The following TBC1D22A variants were observed in gnomAD, a reference collection of about 807,000 sequenced individuals.
The protein encoded by TBC1D22A is TBC1 domain family member 22A, also known as putative GTPase activator.
Under a neutral mutation model 60.2 loss-of-function variants are expected in TBC1D22A, and 38 were observed. The observed-to-expected ratio is 0.63, with a 90% confidence interval of 0.49 to 0.83. The LOEUF (loss-of-function observed/expected upper bound fraction) is 0.83. Among genes scored for constraint, TBC1D22A ranks in the 40% least tolerant of loss-of-function variants. The pLI, the probability that TBC1D22A is intolerant of heterozygous loss-of-function variation, is 0.00. For synonymous variants in TBC1D22A, 302 were observed against 281.7 expected, an observed-to-expected ratio of 1.07 and a Z score of -0.72; for missense variants, 628 against 701.0, an observed-to-expected ratio of 0.90 and a Z score of 1.18.
At chr22:47,012,309 G>A (rs1177387063) in intron 10 of TBC1D22A, among the ~76,000 whole-genome samples, 1 of 152,126 alleles carries the variant, frequency 6.6e-6, no homozygotes, top group Non-Finnish European at 1.5e-5. Flanking sequence ...GAGGGTCCTG[G>A]GGCTCACATC....
In TBC1D22A at chr22:47,137,473, C is replaced by T. The variant is rs139855960; in HGVS notation, c.1425+25870C>T. 3.2e-3 allele frequency among the ~76,000 whole-genome samples: 485 copies of T among 152,274 alleles called. 6 individuals are homozygous for T. Among genetic ancestry groups the T allele is most frequent in the East Asian group, 0.011 (56 of 5,168 alleles). The stretch of plus-strand genomic sequence containing the variant: ...AGGAGCCGAGGACATCCTGCACCTC[C>T]CTGCACCCCTGCTTTCCTTCTCCCT... On this transcript the variant is annotated intron_variant, in intron 12 of 12. Transcript: ENST00000337137.
chr22:46,887,495 G>C (rs980481663), intron 5 of TBC1D22A, among the ~76,000 whole-genome samples: 1 of 152,188 alleles, frequency 6.6e-6, no homozygotes, highest in Non-Finnish European at 1.5e-5. Flanking sequence ...GGAGCTTCAA[G>C]AATCTTTAAA....
chr22:46,884,194 G>T (rs893902980), intron 5 of TBC1D22A, among the ~76,000 whole-genome samples: 1 of 152,162 alleles, frequency 6.6e-6, no homozygotes, highest in East Asian at 1.9e-4. Flanking sequence ...AAAAGGGCTG[G>T]GATCAGCTTG....
intron 8 of TBC1D22A, among the ~76,000 whole-genome samples, chr22:46,923,226 C>T (rs2070855946): frequency 6.6e-6 from 1 of 152,220 alleles, no homozygotes; most frequent in African/African-American, 2.4e-5. Context: ...CTTATTGAAG[C>T]CTATCTCCTC....
At chr22:47,065,535 CTCCCCTGCCTGCCCTTGGGGGAGAG>C (rs892202344) in intron 11 of TBC1D22A, among the ~76,000 whole-genome samples, 5 of 63,512 alleles carry the variant, frequency 7.9e-5, no homozygotes, top group Non-Finnish European at 1.1e-4. Context: ...CTCCCTGCCC[CTCCCCTGCCTGCCCTTGGGGGAGAG>C]TTAAGAAACA....
chr22:46,787,932 CTTTTTTTTTTTT>C, intron 1 of TBC1D22A, among the ~76,000 whole-genome samples: 1 of 107,144 alleles, frequency 9.3e-6, no homozygotes, highest in Admixed American at 9.6e-5. Context: ...GGGCAGGCTA[CTTTTTTTTTTTT>C]TTTTTTTTTT....
chr22:47,169,741 G>C (rs972576979), intron 12 of TBC1D22A, among the ~76,000 whole-genome samples: 1 of 152,188 alleles, frequency 6.6e-6, no homozygotes, highest in African/African-American at 2.4e-5. Context: ...GACCTGACGC[G>C]ACCTTGACTT....
intron 4 of TBC1D22A, among the ~76,000 whole-genome samples, chr22:46,822,382 A>G (rs2085868910): frequency 1.3e-5 from 2 of 151,908 alleles, no homozygotes; most frequent in Non-Finnish European, 2.9e-5. Context: ...GAGTTTGTCT[A>G]GTTTCGGTCT....
intron 8 of TBC1D22A, among the ~76,000 whole-genome samples, chr22:46,970,820 C>A (rs2074017899): frequency 6.6e-6 from 1 of 152,208 alleles, no homozygotes; most frequent in Non-Finnish European, 1.5e-5. Flanking sequence ...CTGATCTTGC[C>A]TGCAGTTCCG....
intron 10 of TBC1D22A, among the ~76,000 whole-genome samples, chr22:47,010,538 G>A (rs2045150827): frequency 6.6e-6 from 1 of 152,220 alleles, no homozygotes; most frequent in Non-Finnish European, 1.5e-5. Context: ...TGTGCTCCTG[G>A]TTTCCTGGTT....
chr22:47,165,698 C>T (rs563625661), intron 12 of TBC1D22A, among the ~76,000 whole-genome samples: 7 of 152,240 alleles, frequency 4.6e-5, no homozygotes, highest in South Asian at 2.1e-4. Flanking sequence ...ACCTAAAAGA[C>T]GGAGGGGTCA....
chr22:46,929,562 C>T (rs986552703), intron 8 of TBC1D22A, among the ~76,000 whole-genome samples: 2 of 152,092 alleles, frequency 1.3e-5, no homozygotes, highest in African/African-American at 2.4e-5. Flanking sequence ...CACATGGGCA[C>T]GAGCTCAAAG....
At chr22:46,950,931 C>G (rs555756286) in intron 8 of TBC1D22A, among the ~76,000 whole-genome samples, 5 of 152,168 alleles carry the variant, frequency 3.3e-5, no homozygotes, top group African/African-American at 1.2e-4. Context: ...AATAATCTCC[C>G]TCTCACATTC....
At chr22:46,835,690 A>G (rs1433228806) in intron 4 of TBC1D22A, among the ~76,000 whole-genome samples, 1 of 152,204 alleles carries the variant, frequency 6.6e-6, no homozygotes, top group African/African-American at 2.4e-5. Context: ...AAGAACAAAA[A>G]ATGTCTTAAA....
intron 12 of TBC1D22A, among the ~76,000 whole-genome samples, chr22:47,139,384 T>TCGAGACAGGTGTTCACCC (rs1365306590): frequency 1.3e-5 from 2 of 152,178 alleles, no homozygotes; most frequent in African/African-American, 4.8e-5. Flanking sequence ...GGTGTGCACC[T>TCGAGACAGGTGTTCACCC]CGAGACAGGT....
intron 11 of TBC1D22A, among the ~76,000 whole-genome samples, chr22:47,110,381 A>C (rs1213669709): frequency 6.6e-6 from 1 of 152,186 alleles, no homozygotes. Context: ...CGGGAGACTG[A>C]GACAGGAACA....
At chr22:47,035,371 C>T (rs763773200) in intron 10 of TBC1D22A, among the ~76,000 whole-genome samples, 3 of 152,184 alleles carry the variant, frequency 2.0e-5, no homozygotes, top group Non-Finnish European at 2.9e-5. Flanking sequence ...TCCTGTGGGT[C>T]GTGGGCAAGG....
intron 8 of TBC1D22A, among the ~76,000 whole-genome samples, chr22:46,919,335 C>G (rs2070591722): frequency 6.6e-6 from 1 of 152,216 alleles, no homozygotes; most frequent in Non-Finnish European, 1.5e-5. Flanking sequence ...TGAATCAGTA[C>G]TTCCTTCATT....
chr22:46,922,977 G>A (rs1227308946), intron 8 of TBC1D22A, among the ~76,000 whole-genome samples: 1 of 152,176 alleles, frequency 6.6e-6, no homozygotes, highest in African/African-American at 2.4e-5. Flanking sequence ...GGAGTTTTGA[G>A]AGTGGGCATC....
Sources: allele counts gnomAD v4.1 joint callset (sites outside exome capture counted in the v4.1 genomes callset), GRCh38; gene constraint gnomAD v4.1.1; transcripts MANE v1.5; gene names NCBI Gene and HGNC (gene_info 2026-07-23, HGNC 2026-07-21).